Variants in ACCS observed in about 807,000 individuals in gnomAD.
The protein encoded by ACCS is 1-aminocyclopropane-1-carboxylate synthase homolog (inactive).
A neutral mutation model predicts 59.8 loss-of-function variants in ACCS; 42 were observed. The ratio of observed to expected loss-of-function variants is 0.70; its 90% CI spans 0.55 to 0.91. ACCS has a LOEUF of 0.91. ACCS is among the 40% of genes least tolerant of loss of function. ACCS has a pLI of 0.00. For synonymous variants in ACCS, 230 were observed against 240.3 expected (o/e 0.96, Z 0.40); for missense variants, 602 against 630.4 (o/e 0.95, Z 0.48).
chr11:44,069,448 C>T (rs1213222565), intron 2 of ACCS, among the ~76,000 whole-genome samples: 2 of 152,176 alleles, frequency 1.3e-5, no homozygotes, highest in Admixed American at 1.3e-4. Flanking sequence ...AACTCCTGAC[C>T]TCAGGTGATC....
intron 3 of ACCS, among the ~76,000 whole-genome samples, chr11:44,072,740 G>A (rs941367800): frequency 6.6e-6 from 1 of 152,024 alleles, no homozygotes; most frequent in African/African-American, 2.4e-5. Flanking sequence ...TAATTCAGAT[G>A]AACCACATTT....
At position 44,081,267 on chromosome 11, in the gene ACCS, A is replaced by G. The variant is rs1334295558; in HGVS notation, c.1058A>G (p.His353Arg). Residue 353 changes from histidine (H) to arginine (R), a missense_variant, in exon 12 of 15, where the codon CAC becomes CGC. Transcript: ENST00000263776. ...GCCGTGGCTTCCCTCTGCCGCTACCACGGCCTCAGTGGCTTGGTCCAGTAC... is the reference window on the plus strand; with the variant it reads ...GCCGTGGCTTCCCTCTGCCGCTACCGCGGCCTCAGTGGCTTGGTCCAGTAC... ...ATAVASLCRY[H>R]GLSGLVQYQM... The G allele has an allele frequency of 1.2e-6, 2 of 1,614,234 alleles. No homozygotes were observed. Among genetic ancestry groups the G allele is most frequent in the South Asian group, 2.2e-5 (2 of 91,088 alleles).
chr11:44,077,549 T>C (rs777433908), intron 7 of ACCS, 173 bp downstream of exon 7: 4 of 1,446,554 alleles, frequency 2.8e-6, no homozygotes, highest in African/African-American at 2.9e-5. Context: ...GGCTCCAAAG[T>C]TCCAGTCTCT....
At chr11:44,081,383 C>A (rs1426322650) in intron 12 of ACCS, 63 bp downstream of exon 12, 1 of 1,594,296 alleles carries the variant, frequency 6.3e-7, no homozygotes, top group Non-Finnish European at 8.6e-7. Flanking sequence ...TGGGAACAGC[C>A]AGGAATCATA....
At chr11:44,077,131 C>T in intron 6 of ACCS, 148 bp from the exon 7 acceptor site, 1 of 844,486 alleles carries the variant, frequency 1.2e-6, no homozygotes, top group Admixed American at 2.8e-5. Context: ...CCAAGCTTTC[C>T]AAAGTGTTTT....
chr11:44,078,094 C>T, intron 8 of ACCS, 172 bp downstream of exon 8: 1 of 808,298 alleles, frequency 1.2e-6, no homozygotes. Context: ...GAACCCTGCC[C>T]AGGGAGGGTC....
Position 44,081,306 on chromosome 11 carries a change from T to C in ACCS, c.1097T>C (p.Leu366Pro), listed in dbSNP as rs545419987. 3.1e-6 allele frequency: 5 copies of C among 1,614,130 alleles called. No individual in the cohort carries two copies. In the South Asian group the frequency reaches 4.4e-5, roughly 14 times the overall value. Residue 366 changes from leucine to proline, a missense_variant, in exon 12 of 15, where the codon CTG (leucine) becomes CCG (proline). Coordinates refer to ENST00000263776, the MANE Select transcript of ACCS (RefSeq NM_032592.4). ...TTGGTCCAGTACCAGATGGCACAGC[T>C]GCTCCGGGACCGTGGTGACTGCCTG... is the stretch of plus-strand genomic sequence containing the variant. ...SGLVQYQMAQLLRDRDWINQV... is the reference protein window; with the variant it reads ...SGLVQYQMAQPLRDRDWINQV...
At chr11:44,077,398 G>A (rs2134872622) in intron 7 of ACCS, 22 bp downstream of exon 7, 3 of 1,613,244 alleles carry the variant, frequency 1.9e-6, no homozygotes, top group Non-Finnish European at 2.5e-6. Context: ...GACTTCCTAG[G>A]TGGAACCTGG....
intron 3 of ACCS, among the ~76,000 whole-genome samples, chr11:44,072,589 A>G (rs1245170113): frequency 1.3e-5 from 2 of 149,138 alleles, no homozygotes; most frequent in African/African-American, 5.2e-5. Context: ...GATGCCAGGT[A>G]AAAACTAATT....
chr11:44,068,304 A>G (rs757132028), intron 2 of ACCS, among the ~76,000 whole-genome samples: 58 of 152,228 alleles, frequency 3.8e-4, no homozygotes, highest in Non-Finnish European at 6.5e-4. Flanking sequence ...TATCTCTAAA[A>G]TGAGATAATA....
chr11:44,069,963 A>G lies in ACCS; in HGVS notation c.289-1293A>G, dbSNP rs754084852. 3.9e-5 allele frequency among the ~76,000 whole-genome samples: 6 copies of G among 152,322 alleles called. No individual in the cohort carries two copies. In the South Asian group the frequency reaches 1.0e-3, roughly 26 times the overall value. On this transcript the variant is annotated intron_variant, in intron 2 of 14. Coordinates refer to ENST00000263776, the MANE Select transcript of ACCS (RefSeq NM_032592.4). ...AGTAAGCCATGCAGTTATCTAGGGAAGAGCATTCCCAGCAGAGGAAACAGC... is the reference window on the plus strand; with the variant it reads ...AGTAAGCCATGCAGTTATCTAGGGAGGAGCATTCCCAGCAGAGGAAACAGC...
At chr11:44,083,335 T>A (rs3107274) in intron 13 of ACCS, 24 bp downstream of exon 13, 3 of 1,612,844 alleles carry the variant, frequency 1.9e-6, no homozygotes, top group East Asian at 2.2e-5. Context: ...AGGTGCGGGC[T>A]GAGAGGGAGT....
chr11:44,071,468 T>C (rs1291206742), intron 3 of ACCS, 153 bp downstream of exon 3: 13 of 729,996 alleles, frequency 1.8e-5, no homozygotes, highest in Non-Finnish European at 2.9e-5. Context: ...GACAGTTTTC[T>C]GTGTGATCTT....
chr11:44,072,950 C>T (rs1023806373), intron 3 of ACCS, among the ~76,000 whole-genome samples: 1 of 152,188 alleles, frequency 6.6e-6, no homozygotes, highest in African/African-American at 2.4e-5. Flanking sequence ...AGTTTCTAAC[C>T]TAGCACTGGT....
chr11:44,079,832 A>G (rs1953556612), intron 10 of ACCS, among the ~76,000 whole-genome samples: 2 of 152,336 alleles, frequency 1.3e-5, no homozygotes, highest in East Asian at 1.9e-4. Flanking sequence ...TGAGAACTCC[A>G]AGAAGAGGCC....
Position 44,083,222 on chromosome 11 carries a change from C to T in ACCS, c.1165C>T (p.His389Tyr). Residue 389 changes from histidine to tyrosine, a missense_variant, in exon 13 of 15, where the codon CAC (histidine) becomes TAC (tyrosine). Coordinates refer to ENST00000263776, the MANE Select transcript of ACCS (RefSeq NM_032592.4). ...PENHARLKAA[H>Y]TYVSEELRAL... is the part of the protein sequence containing the mutation. ...AAACCATGCCCGGCTCAAGGCTGCC[C>T]ACACCTATGTCTCAGAAGAGCTTAG... 6.2e-7 allele frequency: 1 copy of T among 1,614,240 alleles called. No individual in the cohort carries two copies. Among genetic ancestry groups the T allele is most frequent in the Non-Finnish European group, 8.5e-7 (1 of 1,180,048 alleles).
At position 44,073,378 on chromosome 11, in the gene ACCS, C is replaced by G. The variant is rs550876512; in HGVS notation, c.349-69C>G. 62 of 1,314,534 alleles carry G rather than the reference C, an allele frequency of 4.7e-5. No individual in the cohort carries two copies. The South Asian group carries it at 7.1e-4, about 15-fold the overall frequency. 81.4% of individuals were successfully genotyped at this position (1,314,534 alleles called of 1,614,324 possible). ...TGAGCAGAACAAGCGTTCAGCTTTACCTGCCCTGTGCTGTGGATGCTGGTA... is the reference window on the plus strand; with the variant it reads ...TGAGCAGAACAAGCGTTCAGCTTTAGCTGCCCTGTGCTGTGGATGCTGGTA... On this transcript the variant is annotated intron_variant, in intron 3 of 14. Coordinates refer to ENST00000263776, the MANE Select transcript of ACCS (RefSeq NM_032592.4).
chr11:44,078,010 G>A (rs1953460506), intron 8 of ACCS, 88 bp downstream of exon 8: 1 of 1,477,920 alleles, frequency 6.8e-7, no homozygotes, highest in African/African-American at 1.4e-5. Flanking sequence ...TCTCCTCCCG[G>A]GAGTAGGGTT....
At chr11:44,080,867 T>C (rs1953606130) in intron 10 of ACCS, 153 bp from the exon 11 acceptor site, 2 of 862,694 alleles carry the variant, frequency 2.3e-6, no homozygotes, top group African/African-American at 3.3e-5. Context: ...CTCTAAAGGA[T>C]GCATGGGAAT....
Sources: allele counts gnomAD v4.1 joint callset (sites outside exome capture counted in the v4.1 genomes callset), GRCh38; gene constraint gnomAD v4.1.1; transcripts MANE v1.5; gene names NCBI Gene and HGNC (gene_info 2026-07-23, HGNC 2026-07-21).